FAM13A: variants seen among roughly 807,000 people sequenced by gnomAD.
The protein encoded by FAM13A is protein FAM13A.
A neutral mutation model predicts 129.6 loss-of-function variants in FAM13A; 76 were observed. The observed-to-expected ratio is 0.59, with a 90% CI of 0.49 to 0.71. The LOEUF (loss-of-function observed/expected upper bound fraction) is 0.71. Among genes scored for constraint, FAM13A ranks in the 30% least tolerant of loss-of-function variants. FAM13A has a pLI of 0.00. For synonymous variants in FAM13A, 443 were observed against 449.9 expected, an observed-to-expected ratio of 0.98 and a Z score of 0.20; for missense variants, 1,108 against 1,249.3, an observed-to-expected ratio of 0.89 and a Z score of 1.70.
At chr4:88,786,697 A>T (rs1724032545) in intron 10 of FAM13A, among the ~76,000 whole-genome samples, 1 of 152,102 alleles carries the variant, frequency 6.6e-6, no homozygotes, top group Non-Finnish European at 1.5e-5. Context: ...TACATTTGCT[A>T]ATATAGCTCT....
At chr4:88,857,427 A>G (rs1578984164) in intron 6 of FAM13A, among the ~76,000 whole-genome samples, 1 of 152,224 alleles carries the variant, frequency 6.6e-6, no homozygotes, top group East Asian at 1.9e-4. Context: ...CAGGAGTTCA[A>G]GACCAGCCTG....
At chr4:88,769,617 A>C (rs1720214568) in intron 11 of FAM13A, among the ~76,000 whole-genome samples, 1 of 152,092 alleles carries the variant, frequency 6.6e-6, no homozygotes, top group South Asian at 2.1e-4. Flanking sequence ...GCAGATCACG[A>C]GGTCAAGAGA....
At chr4:88,792,929 A>G (rs771932224) in intron 8 of FAM13A, among the ~76,000 whole-genome samples, 1 of 152,016 alleles carries the variant, frequency 6.6e-6, no homozygotes, top group Non-Finnish European at 1.5e-5. Context: ...AACAAACAAG[A>G]TGAGGTTCTG....
intron 7 of FAM13A, among the ~76,000 whole-genome samples, chr4:88,833,967 C>T (rs897515222): frequency 2.6e-5 from 4 of 151,848 alleles, no homozygotes; most frequent in Admixed American, 6.6e-5. Context: ...CCAGGGCTCA[C>T]TGAGACCTCC....
At chr4:88,916,963 T>C (rs866977019) in intron 5 of FAM13A, among the ~76,000 whole-genome samples, 35 of 152,224 alleles carry the variant, frequency 2.3e-4, no homozygotes, top group African/African-American at 8.2e-4. Context: ...TTAAAGCTCA[T>C]AGAATACCAG....
intron 7 of FAM13A, among the ~76,000 whole-genome samples, chr4:88,845,944 T>G (rs1212546663): frequency 6.6e-6 from 1 of 152,252 alleles, no homozygotes; most frequent in East Asian, 1.9e-4. Context: ...CCCATTTATC[T>G]ATCAAATTAA....
At chr4:88,815,176 A>G (rs1308656259) in intron 7 of FAM13A, among the ~76,000 whole-genome samples, 1 of 152,092 alleles carries the variant, frequency 6.6e-6, no homozygotes, top group Non-Finnish European at 1.5e-5. Context: ...TGATGAGAAG[A>G]TACCATGTTT....
chr4:88,823,094 C>T (rs1287229048), intron 7 of FAM13A: 14 of 1,589,524 alleles, frequency 8.8e-6, no homozygotes, highest in Non-Finnish European at 1.2e-5. Context: ...CTTACAGTGG[C>T]TAAGCTGGGT....
chr4:88,751,059 T>A, intron 14 of FAM13A, among the ~76,000 whole-genome samples: 1 of 152,116 alleles, frequency 6.6e-6, no homozygotes, highest in East Asian at 1.9e-4. Context: ...CTGGCCAACA[T>A]GGTGAAACTC....
At chr4:88,786,540 T>C (rs1235811815) in intron 10 of FAM13A, among the ~76,000 whole-genome samples, 2 of 152,154 alleles carry the variant, frequency 1.3e-5, no homozygotes, top group African/African-American at 4.8e-5. Flanking sequence ...AATGTAAATA[T>C]CTCCTATATT....
intron 13 of FAM13A, among the ~76,000 whole-genome samples, chr4:88,765,439 A>G (rs1425049524): frequency 1.3e-5 from 2 of 152,210 alleles, no homozygotes; most frequent in Admixed American, 1.3e-4. Flanking sequence ...GTTAAACAGA[A>G]CTCTAGGAGG....
chr4:88,804,385 T>C (rs1378116510), intron 8 of FAM13A, among the ~76,000 whole-genome samples: 1 of 152,192 alleles, frequency 6.6e-6, no homozygotes, highest in African/African-American at 2.4e-5. Flanking sequence ...TTGAAGTGGG[T>C]AGGTAGTAAG....
At chr4:88,750,212 G>A (rs746359313) in intron 15 of FAM13A, among the ~76,000 whole-genome samples, 54 of 152,126 alleles carry the variant, frequency 3.5e-4, no homozygotes, top group Non-Finnish European at 7.6e-4. Context: ...GAAAGGAGAC[G>A]CTAAGAAAAT....
intron 4 of FAM13A, among the ~76,000 whole-genome samples, chr4:88,945,783 G>T (rs1755575119): frequency 7.9e-6 from 1 of 127,040 alleles, no homozygotes; most frequent in Admixed American, 7.8e-5. Context: ...CTATGTGGTT[G>T]TATATATATA....
At chr4:88,893,650 A>G (rs867800981) in intron 6 of FAM13A, among the ~76,000 whole-genome samples, 104 of 145,758 alleles carry the variant, frequency 7.1e-4, no homozygotes, top group Non-Finnish European at 8.7e-4. Context: ...ATGAATAAAT[A>G]AATAAATAAA....
chr4:88,872,514 C>A (rs1205708724), intron 6 of FAM13A, among the ~76,000 whole-genome samples: 3 of 152,032 alleles, frequency 2.0e-5, no homozygotes, highest in African/African-American at 4.8e-5. Flanking sequence ...AGACTTTAAA[C>A]CAACAAAGAT....
chr4:88,996,509 T>C (rs966331375), intron 3 of FAM13A, among the ~76,000 whole-genome samples: 1 of 152,248 alleles, frequency 6.6e-6, no homozygotes. Context: ...AAACATTTAT[T>C]GAGTGACTAC....
intron 19 of FAM13A, among the ~76,000 whole-genome samples, chr4:88,742,750 T>G (rs1740526921): frequency 6.6e-6 from 1 of 152,148 alleles, no homozygotes; most frequent in Non-Finnish European, 1.5e-5. Flanking sequence ...ACCGTTTGAG[T>G]TGACATCTCT....
At chr4:89,045,046 A>G (rs551477041) in intron 1 of FAM13A, among the ~76,000 whole-genome samples, 24 of 152,322 alleles carry the variant, frequency 1.6e-4, no homozygotes, top group African/African-American at 5.3e-4. Context: ...ACAGAATTAT[A>G]TATCTAAAAT....
Sources: gnomAD v4.1 joint callset for allele counts (sites outside exome capture counted in the v4.1 genomes callset) on GRCh38, gnomAD v4.1.1 for gene constraint, MANE v1.5 for transcripts, NCBI Gene and HGNC (gene_info 2026-07-23, HGNC 2026-07-21) for gene names.